Variants in GATA2 observed in about 807,000 individuals in gnomAD.
GATA2 encodes GATA binding protein 2.
GATA2 carries 6 observed loss-of-function variants against 35.7 expected under a neutral mutation model. The observed-to-expected ratio is 0.17, with a 90% CI of 0.09 to 0.33. GATA2 has a LOEUF of 0.33. GATA2 is among the 10% of genes least tolerant of loss of function. The probability of loss-of-function intolerance (pLI) is 1.00; values close to 1 mark genes in which losing one functional copy is unlikely to be tolerated. For missense variants in GATA2, 541 were observed against 656.6 expected, an observed-to-expected ratio of 0.82 and a Z score of 1.92; for synonymous variants, 313 against 274.9, an observed-to-expected ratio of 1.14 and a Z score of -1.37.
chr3:128,486,890 A>G lies in GATA2; in HGVS notation c.142T>C (p.Phe48Leu), dbSNP rs878855170. ...QLLPPDEVDV[F>L]FNHLDSQGNP... ...CCCTGCGAGTCGAGGTGATTGAAGAAGACGTCCACCTCGTCTGGAGGCAGC... is the reference window on the plus strand; with the variant it reads ...CCCTGCGAGTCGAGGTGATTGAAGAGGACGTCCACCTCGTCTGGAGGCAGC... Residue 48 changes from phenylalanine (F) to leucine (L), a missense_variant, in exon 2 of 6, where the codon TTC becomes CTC. Transcript: ENST00000341105. 1 of 1,612,838 alleles carries G rather than the reference A, an allele frequency of 6.2e-7. No homozygotes were observed. The highest frequency in any genetic ancestry group is 8.5e-7 in the Non-Finnish European group (1 of 1,179,622).
At chr3:128,486,771 T>G (rs1305195525) in intron 2 of GATA2, 32 bp downstream of exon 2, 2 of 1,563,614 alleles carry the variant, frequency 1.3e-6, no homozygotes, top group Admixed American at 1.9e-5. Flanking sequence ...GCGCGGCGCC[T>G]GGGTTCTCAT....
At chr3:128,491,213 C>CA (rs1441351801) in intron 1 of GATA2, among the ~76,000 whole-genome samples, 5 of 120,586 alleles carry the variant, frequency 4.1e-5, no homozygotes, top group Non-Finnish European at 8.7e-5. Context: ...GTCCAGCCCC[C>CA]CCCCCCCTCT....
chr3:128,488,975 G>A lies in GATA2; in HGVS notation c.-45-1899C>T, dbSNP rs2068741233. On this transcript the variant is annotated intron_variant, in intron 1 of 5. Transcript: ENST00000341105. This position sits in a 1 kb window ranked among gnomAD's most constrained non-coding sequence, Gnocchi z 5.8. ...TGCCGAGTACTGGGGGGACTCAACA[G>A]CGTCCTCCAGCCCTCTTCCCTGTTG... Among the ~76,000 whole-genome samples, 1 of 152,104 alleles carries A rather than the reference G, an allele frequency of 6.6e-6. No homozygotes were observed. Among genetic ancestry groups the A allele is most frequent in the Non-Finnish European group, 1.5e-5 (1 of 68,008 alleles).
At chr3:128,492,217 T>G (rs2068775445) in intron 1 of GATA2, 1 of 152,166 alleles carries the variant, frequency 6.6e-6, no homozygotes, top group African/African-American at 2.4e-5. Flanking sequence ...AACGCGGAGT[T>G]CAAGCCTGGC....
rs1253079679 is a variant in GATA2 at position 128,486,077 on chromosome 3, G to A, written c.521C>T (p.Pro174Leu). ...AGACACTTCTTTGGGTGGCGTGGGT[G>A]GGAAGCCGAAAAGGTGGGAGCCAGA... ...AHSGSHLFGF[P>L]PTPPKEVSPD... The change falls in exon 3 of 6, where the codon CCA becomes CTA. Residue 174 changes from proline (P) to leucine (L), a missense_variant. Around this residue, in one of 5 missense-constraint regions of GATA2, gnomAD observed 389 missense variants for 396.9 expected, o/e 0.98. Transcript: ENST00000341105. The A allele has an allele frequency of 6.2e-7, 1 of 1,613,922 alleles. No homozygotes were observed. Among genetic ancestry groups the A allele is most frequent in the Non-Finnish European group, 8.5e-7 (1 of 1,180,012 alleles).
Position 128,484,106 on chromosome 3 carries a change from T to C in GATA2, c.872-101A>G, listed in dbSNP as rs2068664971. 11 of 1,456,468 alleles carry C rather than the reference T, an allele frequency of 7.6e-6. 1 individual carries two copies. The South Asian group carries it at 1.3e-4, about 17-fold the overall frequency. The allele number at this position is 1,456,468 out of a possible 1,614,324, so 90.2% of individuals were successfully genotyped here. On this transcript the variant is annotated intron_variant, in intron 3 of 5. Coordinates refer to ENST00000341105, the MANE Select transcript of GATA2 (RefSeq NM_032638.5). Reference sequence around the variant, plus strand: ...CAGCCAGCCGAGCAGTGCCGGTGCCTCTCAGGCACACGGTTGGCCTGGGCC... The same window carrying C: ...CAGCCAGCCGAGCAGTGCCGGTGCCCCTCAGGCACACGGTTGGCCTGGGCC...
At chr3:128,489,923 C>G (rs1447267133) in intron 1 of GATA2, 1 of 152,294 alleles carries the variant, frequency 6.6e-6, no homozygotes, top group Non-Finnish European at 1.5e-5. Context: ...CCCGCTCGAG[C>G]GCGAACCCTG....
chr3:128,486,376 CAA>C lies in GATA2; in HGVS notation c.230-10_230-9del, dbSNP rs2068700317. The C allele has an allele frequency of 5.6e-6, 9 of 1,596,720 alleles. No individual in the cohort carries two copies. The highest frequency in any genetic ancestry group is 7.6e-6 in the Non-Finnish European group (9 of 1,177,396). On this transcript the variant is annotated splice_polypyrimidine_tract_variant and intron_variant, in intron 2 of 5. Coordinates refer to ENST00000341105, the MANE Select transcript of GATA2 (RefSeq NM_032638.5). ...GGCCTCCGGTCAGGCGGGCTGCGGG[CAA>C]AGAGAGAGAGGATCAGGGTGGGCAG...
Position 128,485,839 on chromosome 3 carries a change from C to T in GATA2, c.759G>A (p.Val253=). The T allele has an allele frequency of 6.2e-7, 1 of 1,613,986 alleles. No homozygotes were observed. Among genetic ancestry groups the T allele is most frequent in the Non-Finnish European group, 8.5e-7 (1 of 1,179,926 alleles). ...TGCTGTAGTCGTGGGCAGCCGCCGG[C>T]ACATAGGAGGGGTAGGTGGGGATGG... The part of the protein sequence containing the change: ...HHPIPTYPSY[V]PAAAHDYSSG... The change falls in exon 3 of 6, where the codon GTG becomes GTA. Residue 253 remains valine, a synonymous_variant. Transcript: ENST00000341105.
chr3:128,492,709 G>A lies in GATA2; in HGVS notation c.-46+190C>T, dbSNP rs536490465. 2.0e-4 allele frequency among the ~76,000 whole-genome samples: 31 copies of A among 152,326 alleles called. 1 individual carries two copies. In the East Asian group the frequency reaches 2.7e-3, roughly 13 times the overall value. On this transcript the variant is annotated intron_variant, in intron 1 of 5. Coordinates refer to ENST00000341105, the MANE Select transcript of GATA2 (RefSeq NM_032638.5). ...AAGAGGCCCGAGGCGGGCCTGCTGT[G>A]CCCAGGTAACCAAATACTCCCTCTG...
rs751200779 is a variant in GATA2, at chr3:128,486,846, G to C, written c.186C>G (p.Asn62Lys). 5.8e-5 allele frequency: 93 copies of C among 1,611,886 alleles called. No homozygotes were observed. Among genetic ancestry groups the C allele is most frequent in the Non-Finnish European group, 7.5e-5 (88 of 1,179,432 alleles). The part of the protein sequence containing the change: ...LDSQGNPYYA[N>K]PAHARARVSY... ...AGACGCGCGCCCGCGCGTGAGCGGG[G>C]TTGGCATAGTAGGGGTTGCCCTGCG... The change falls in exon 2 of 6, where the codon AAC (asparagine) becomes AAG (lysine). Residue 62 changes from asparagine to lysine, a missense_variant. Coordinates refer to ENST00000341105, the MANE Select transcript of GATA2 (RefSeq NM_032638.5).
intron 1 of GATA2, among the ~76,000 whole-genome samples, chr3:128,492,490 G>A (rs1054618278): frequency 4.6e-5 from 7 of 152,210 alleles, no homozygotes; most frequent in Non-Finnish European, 8.8e-5. Flanking sequence ...GCCGCGAAAA[G>A]CCGGCGCACG....
chr3:128,484,134 G>T, intron 3 of GATA2, 129 bp from the exon 4 acceptor site: 2 of 1,151,742 alleles, frequency 1.7e-6, no homozygotes, highest in Non-Finnish European at 2.4e-6. Flanking sequence ...CCTGGGCCTG[G>T]CTGCAACAGC....
At chr3:128,485,104 T>C (rs2068677763) in intron 3 of GATA2, among the ~76,000 whole-genome samples, 1 of 152,140 alleles carries the variant, frequency 6.6e-6, no homozygotes, top group Non-Finnish European at 1.5e-5. Context: ...CACTGCAGCT[T>C]CATCCCCTCA....
intron 5 of GATA2, 89 bp downstream of exon 5, chr3:128,481,730 G>C: frequency 5.3e-6 from 8 of 1,496,434 alleles, no homozygotes; most frequent in Non-Finnish European, 7.3e-6. Context: ...AAGCCAAGCT[G>C]GATATTGTGG....
chr3:128,485,635 A>G, intron 3 of GATA2, 92 bp downstream of exon 3: 1 of 1,482,724 alleles, frequency 6.7e-7, no homozygotes, highest in South Asian at 1.2e-5. Context: ...GATCTGGGAA[A>G]CCAACACTGC....
intron 1 of GATA2, among the ~76,000 whole-genome samples, chr3:128,487,518 T>C (rs953579602): frequency 7.2e-5 from 11 of 152,006 alleles, no homozygotes; most frequent in Admixed American, 3.3e-4. Flanking sequence ...CAGATACACA[T>C]ACTGATCTCA....
rs370108499 is a variant in GATA2 at position 128,486,772 on chromosome 3, G to A, written c.229+31C>T. 4.0e-4 allele frequency: 626 copies of A among 1,568,168 alleles called. 9 individuals carry two copies. In the South Asian group the frequency reaches 7.1e-3, roughly 18 times the overall value. ...CTCCCTCGCCTGGCGCGCGGCGCCT[G>A]GGTTCTCATCACCACGGGCCCAGTG... On this transcript the variant is annotated intron_variant, in intron 2 of 5. Coordinates refer to ENST00000341105, the MANE Select transcript of GATA2 (RefSeq NM_032638.5).
chr3:128,486,156 T>C lies in GATA2; in HGVS notation c.442A>G (p.Ser148Gly), dbSNP rs1161655427. 4 of 1,579,106 alleles carry C rather than the reference T, an allele frequency of 2.5e-6. No homozygotes were observed. The highest frequency in any genetic ancestry group is 3.4e-6 in the Non-Finnish European group (4 of 1,163,206). Residue 148 changes from serine (S) to glycine (G), a missense_variant, in exon 3 of 6, where the codon AGC becomes GGC. By Grantham distance (56) the Ser-to-Gly change is moderately conservative. This residue lies in a region of GATA2 where 389 missense variants were observed against 396.9 expected (regional missense o/e 0.98). Transcript: ENST00000341105. ...ACTGAGCTCCCGCTGCCTCCCCCGC[T>C]CCCACCCCCAGCCCCTGGGTACACA... ...LSVYPGAGGG[S>G]GGGSGSSVAS... is the part of the protein sequence containing the mutation.
Sources: allele counts gnomAD v4.1 joint callset (sites outside exome capture counted in the v4.1 genomes callset), GRCh38; gene constraint gnomAD v4.1.1; regional missense constraint gnomAD v4.1.1; non-coding constraint Gnocchi (gnomAD v3.1); transcripts MANE v1.5; gene names NCBI Gene and HGNC (gene_info 2026-07-23, HGNC 2026-07-21).